The following MRPS28 variants were observed in gnomAD, a reference collection of about 807,000 sequenced individuals.
MRPS28 encodes the protein small ribosomal subunit protein bS1m.
MRPS28 carries 7 observed loss-of-function variants against 10.8 expected under a neutral mutation model. The ratio of observed to expected loss-of-function variants is 0.65; its 90% CI spans 0.37 to 1.22. MRPS28 has a LOEUF of 1.22. MRPS28 is among the 50% of genes most tolerant of loss of function. The probability of loss-of-function intolerance (pLI) is 0.02; values close to 1 mark genes in which losing one functional copy is unlikely to be tolerated. For missense variants in MRPS28, 265 were observed against 232.9 expected (o/e 1.14, Z -0.90); for synonymous variants, 121 against 93.3 (o/e 1.30, Z -1.71).
intron 1 of MRPS28, among the ~76,000 whole-genome samples, chr8:80,018,176 C>T (rs945257110): frequency 8.6e-5 from 13 of 151,606 alleles, no homozygotes; most frequent in Non-Finnish European, 1.0e-4. Context: ...GCCTGTAGTC[C>T]CAGCTACTGG....
chr8:79,944,715 A>ATTTTTTTTT (rs1806862151), intron 2 of MRPS28, among the ~76,000 whole-genome samples: 1 of 20,184 alleles, frequency 5.0e-5, no homozygotes, highest in Non-Finnish European at 8.8e-5. Flanking sequence ...TTTTTTTTTG[A>ATTTTTTTTT]GACAAGGTCT....
chr8:79,960,023 G>A (rs1316567156), intron 2 of MRPS28, among the ~76,000 whole-genome samples: 1 of 152,116 alleles, frequency 6.6e-6, no homozygotes, highest in Non-Finnish European at 1.5e-5. Context: ...TTACAGGGGT[G>A]ACTGCTTTCC....
rs1207276692 is a variant in MRPS28, at chr8:80,003,139, T to C, written c.255A>G (p.Arg85=). The change falls in exon 2 of 3, where the codon AGA becomes AGG. Residue 85 remains arginine, a synonymous_variant. Transcript: ENST00000276585. ...KNVESFASML[R]HSPLTQMGPA... The stretch of plus-strand genomic sequence containing the variant: ...GTCCCATCTGTGTAAGAGGAGAATG[T>C]CTCAGCATAGATGCAAAGGATTCCA... The C allele has an allele frequency of 6.2e-7, 1 of 1,604,272 alleles. No individual in the cohort carries two copies. Among genetic ancestry groups the C allele is most frequent in the African/African-American group, 1.3e-5 (1 of 74,412 alleles).
chr8:79,950,744 ATGT>A (rs1303251645), intron 2 of MRPS28, among the ~76,000 whole-genome samples: 1 of 152,216 alleles, frequency 6.6e-6, no homozygotes, highest in African/African-American at 2.4e-5. Context: ...GACCTTTAAG[ATGT>A]TGTTGAGGAC....
chr8:79,976,767 T>C (rs1250452274), intron 2 of MRPS28, among the ~76,000 whole-genome samples: 1 of 152,236 alleles, frequency 6.6e-6, no homozygotes, highest in Non-Finnish European at 1.5e-5. Flanking sequence ...ATAATTGTTT[T>C]TTTCCTTCAT....
At chr8:80,008,024 G>A (rs145064395) in intron 1 of MRPS28, among the ~76,000 whole-genome samples, 34 of 152,122 alleles carry the variant, frequency 2.2e-4, no homozygotes, top group African/African-American at 6.5e-4. Context: ...TTCAAACTAC[G>A]CTACAAGGCT....
At chr8:80,011,465 T>C (rs1045669536) in intron 1 of MRPS28, among the ~76,000 whole-genome samples, 1 of 151,326 alleles carries the variant, frequency 6.6e-6, no homozygotes, top group African/African-American at 2.4e-5. Flanking sequence ...TAAAACTAAA[T>C]GACAGGGGCT....
chr8:79,938,135 C>G (rs1806654237), intron 2 of MRPS28, among the ~76,000 whole-genome samples: 1 of 151,896 alleles, frequency 6.6e-6, no homozygotes, highest in African/African-American at 2.4e-5. Context: ...GAAGGATGCA[C>G]AGATTCCTTC....
chr8:80,017,315 A>G (rs1809220964), intron 1 of MRPS28, among the ~76,000 whole-genome samples: 1 of 152,228 alleles, frequency 6.6e-6, no homozygotes, highest in Non-Finnish European at 1.5e-5. Context: ...GAAAACAGGA[A>G]ATCAATAGAA....
At chr8:79,935,258 A>G (rs776213775) in intron 2 of MRPS28, among the ~76,000 whole-genome samples, 2 of 152,142 alleles carry the variant, frequency 1.3e-5, no homozygotes, top group African/African-American at 2.4e-5. Context: ...AGAAACCCCA[A>G]TCCTGACTAG....
chr8:79,985,180 G>A (rs1200242162), intron 2 of MRPS28, among the ~76,000 whole-genome samples: 1 of 152,106 alleles, frequency 6.6e-6, no homozygotes, highest in Non-Finnish European at 1.5e-5. Flanking sequence ...TGACTACTGG[G>A]TACATAACGA....
At chr8:79,971,080 G>T (rs1308771825) in intron 2 of MRPS28, among the ~76,000 whole-genome samples, 3 of 152,214 alleles carry the variant, frequency 2.0e-5, no homozygotes, top group Non-Finnish European at 4.4e-5. Context: ...CAGCATGCCA[G>T]CAATTTGGGA....
At chr8:79,986,121 T>C (rs1191142112) in intron 2 of MRPS28, among the ~76,000 whole-genome samples, 9 of 152,168 alleles carry the variant, frequency 5.9e-5, no homozygotes, top group Non-Finnish European at 1.0e-4. Flanking sequence ...GCTGGTTCAA[T>C]ATACTCAAAT....
chr8:79,985,612 GA>G (rs1196235985), intron 2 of MRPS28, among the ~76,000 whole-genome samples: 1 of 152,162 alleles, frequency 6.6e-6, no homozygotes, highest in Non-Finnish European at 1.5e-5. Context: ...CGATCCCACA[GA>G]AATACAAACT....
chr8:79,993,056 T>C (rs1808408901), intron 2 of MRPS28, among the ~76,000 whole-genome samples: 1 of 152,186 alleles, frequency 6.6e-6, no homozygotes, highest in South Asian at 2.1e-4. Context: ...CAATCTAAAT[T>C]AAGACAAAAT....
In MRPS28 at chr8:79,958,423, C is replaced by T. The variant is rs770729960; in HGVS notation, c.396-39275G>A. The T allele has an allele frequency of 7.7e-5, 53 of 688,324 alleles. No individual in the cohort carries two copies. The East Asian group carries it at 9.7e-4, about 13-fold the overall frequency. The allele number at this position is 688,324 out of a possible 1,614,324, so 42.6% of individuals were successfully genotyped here. A position where few individuals can be genotyped will look rare whatever the true frequency, so the allele number is the denominator to read the frequency against. ...AAAATCTCCTCCAAACAGCATACCA[C>T]GAAATGGGACTCCTGAGTGAAGGAG... is the stretch of plus-strand genomic sequence containing the variant. On this transcript the variant is annotated intron_variant, in intron 2 of 2. Coordinates refer to ENST00000276585, the MANE Select transcript of MRPS28 (RefSeq NM_014018.3).
At chr8:80,014,835 G>T (rs142811700) in intron 1 of MRPS28, among the ~76,000 whole-genome samples, 1 of 152,228 alleles carries the variant, frequency 6.6e-6, no homozygotes, top group Non-Finnish European at 1.5e-5. Flanking sequence ...CACTCCAGGG[G>T]ACATTTGGCA....
intron 2 of MRPS28, among the ~76,000 whole-genome samples, chr8:79,928,104 G>A (rs1419859558): frequency 6.6e-6 from 1 of 151,908 alleles, no homozygotes; most frequent in Non-Finnish European, 1.5e-5. Context: ...CAGGAGGATA[G>A]CTTGAGTCCA....
At chr8:79,989,744 A>C (rs1020099637) in intron 2 of MRPS28, among the ~76,000 whole-genome samples, 8 of 152,170 alleles carry the variant, frequency 5.3e-5, no homozygotes, top group African/African-American at 1.4e-4. Flanking sequence ...ATAAAGGCAG[A>C]AGATCAAGGC....
Sources: gnomAD v4.1 joint callset for allele counts (sites outside exome capture counted in the v4.1 genomes callset) on GRCh38, gnomAD v4.1.1 for gene constraint, MANE v1.5 for transcripts, NCBI Gene and HGNC (gene_info 2026-07-23, HGNC 2026-07-21) for gene names.